The following KIF26B variants were observed in gnomAD, a reference collection of about 807,000 sequenced individuals.
KIF26B encodes the protein kinesin family member 26B, also known as kinesin-like protein KIF26B.
In KIF26B, 63 loss-of-function variants were observed where a neutral mutation model predicts 151.2. The ratio of observed to expected loss-of-function variants is 0.42; its 90% CI spans 0.34 to 0.51. The LOEUF (loss-of-function observed/expected upper bound fraction) is 0.51, where lower values mean the gene tolerates loss of function less well. Among genes scored for constraint, KIF26B ranks in the 20% least tolerant of loss-of-function variants. KIF26B has a pLI of 0.07. For missense variants in KIF26B, 2,813 were observed against 2,913.6 expected (o/e 0.97, Z 0.79); for synonymous variants, 1,357 against 1,262.1 (o/e 1.08, Z -1.59).
intron 2 of KIF26B, among the ~76,000 whole-genome samples, chr1:245,355,220 C>T (rs377127530): frequency 3.9e-5 from 6 of 152,214 alleles, no homozygotes; most frequent in African/African-American, 1.2e-4. Context: ...CCACTGCGCC[C>T]GGCCAGTGAT....
chr1:245,636,750 A>G (rs990046036), intron 9 of KIF26B, among the ~76,000 whole-genome samples: 2 of 151,962 alleles, frequency 1.3e-5, no homozygotes, highest in African/African-American at 4.8e-5. Context: ...AACATGGGAT[A>G]TTTGTCTTTC....
At chr1:245,494,476 C>T (rs1660471324) in intron 4 of KIF26B, among the ~76,000 whole-genome samples, 1 of 152,162 alleles carries the variant, frequency 6.6e-6, no homozygotes, top group Non-Finnish European at 1.5e-5. Flanking sequence ...ATTGGTTTAG[C>T]TTGATCACTC....
intron 2 of KIF26B, among the ~76,000 whole-genome samples, chr1:245,329,160 T>C (rs1672052405): frequency 6.6e-6 from 1 of 152,182 alleles, no homozygotes; most frequent in African/African-American, 2.4e-5. Context: ...GGGGACAGGA[T>C]AGGAGGTGGA....
rs868090020 is a variant in KIF26B at position 245,687,538 on chromosome 1, G to C, written c.4555G>C (p.Gly1519Arg). ...GGATGGGTGTGAGATGGCCCTGCCC[G>C]GTTTGGCCACCCAGAGCCCCGTGCA... ...VVDGCEMALP[G>R]LATQSPVHPN... is the part of the protein sequence containing the mutation. Residue 1519 changes from glycine (G) to arginine (R), a missense_variant, in exon 12 of 15, where the codon GGT becomes CGT. Physicochemically the swap from Gly to Arg is moderately radical, Grantham distance 125. This residue lies in a region of KIF26B where 2,060 missense variants were observed against 2,088.6 expected (regional missense o/e 0.99). Coordinates refer to ENST00000407071, the MANE Select transcript of KIF26B (RefSeq NM_018012.4). This position sits in a 1 kb window ranked among gnomAD's most constrained non-coding sequence, Gnocchi z 4.9. The C allele has an allele frequency of 4.5e-6, 7 of 1,568,930 alleles. No homozygotes were observed. The East Asian group carries it at 1.7e-4, about 37-fold the overall frequency.
chr1:245,298,933 G>A (rs186396743), intron 2 of KIF26B, among the ~76,000 whole-genome samples: 6 of 152,224 alleles, frequency 3.9e-5, no homozygotes, highest in Non-Finnish European at 8.8e-5. Context: ...ACAGTTGATT[G>A]GGTAAGGAGA....
Position 245,156,514 on chromosome 1 carries a change from C to T in KIF26B, c.296C>T (p.Ser99Phe), listed in dbSNP as rs1463060688. 1 of 1,531,786 alleles carries T rather than the reference C, an allele frequency of 6.5e-7. No individual in the cohort carries two copies. Among genetic ancestry groups the T allele is most frequent in the South Asian group, 1.2e-5 (1 of 83,946 alleles). The allele number at this position is 1,531,786 out of a possible 1,614,324, so 94.9% of individuals were successfully genotyped here. A position where few individuals can be genotyped will look rare whatever the true frequency, so the allele number is the denominator to read the frequency against. Residue 99 changes from serine (S) to phenylalanine (F), a missense_variant, in exon 2 of 15, where the codon TCC (serine) becomes TTC (phenylalanine). Ser to Phe is a radical substitution (Grantham distance 155). Around this residue, in one of 3 missense-constraint regions of KIF26B, gnomAD observed 676 missense variants for 688.1 expected, o/e 0.98. Transcript: ENST00000407071. ...SPGIGTSSPGSLGGSPGFGTG... is the reference protein window; with the variant it reads ...SPGIGTSSPGFLGGSPGFGTG... ...GGCATCGGCACTAGTTCGCCGGGCT[C>T]CTTGGGCGGCTCTCCGGGCTTCGGC...
chr1:245,236,580 A>G, intron 2 of KIF26B, among the ~76,000 whole-genome samples: 1 of 152,216 alleles, frequency 6.6e-6, no homozygotes, highest in East Asian at 1.9e-4. Flanking sequence ...TATGAATAAA[A>G]TTTGTTTTAT....
rs146157126 is a variant in KIF26B, at chr1:245,347,069, C to G, written c.466-19765C>G. ...GTCCTCTGTACCTGTCTGTGCCCAG[C>G]TGAGCCTGGGTGGAACAGAACACAG... On this transcript the variant is annotated intron_variant, in intron 2 of 14. Coordinates refer to ENST00000407071, the MANE Select transcript of KIF26B (RefSeq NM_018012.4). 1.5e-3 allele frequency among the ~76,000 whole-genome samples: 227 copies of G among 152,320 alleles called. 5 individuals are homozygous for G. In the East Asian group the frequency reaches 0.029, roughly 20 times the overall value.
intron 2 of KIF26B, among the ~76,000 whole-genome samples, chr1:245,253,800 CTTTTTTTTTTTTTTTT>C (rs5782330): frequency 2.8e-5 from 2 of 72,148 alleles, no homozygotes; most frequent in Non-Finnish European, 5.0e-5. Flanking sequence ...TGAAGTCCTG[CTTTTTTTTTTTTTTTT>C]TTTTTTTTTT....
rs978579468 is a variant in KIF26B, at chr1:245,235,934, T to A, written c.465+79251T>A. On this transcript the variant is annotated intron_variant, in intron 2 of 14. Coordinates refer to ENST00000407071, the MANE Select transcript of KIF26B (RefSeq NM_018012.4). ...CTTGTACACACTGCATCACTTATTT[T>A]TTTTTTTTTTTTTGAGACAGAGTCT... is the stretch of plus-strand genomic sequence containing the variant. Among the ~76,000 whole-genome samples the A allele has an allele frequency of 8.0e-5, 12 of 150,712 alleles. No individual in the cohort carries two copies. In the South Asian group the frequency reaches 1.9e-3, roughly 24 times the overall value.
chr1:245,202,444 C>T (rs2103538596), intron 2 of KIF26B, among the ~76,000 whole-genome samples: 1 of 152,258 alleles, frequency 6.6e-6, no homozygotes, highest in African/African-American at 2.4e-5. Flanking sequence ...TTTTTCTGAA[C>T]CTCAGTTTCT....
chr1:245,661,813 C>T (rs1207353153), intron 10 of KIF26B, among the ~76,000 whole-genome samples: 4 of 144,762 alleles, frequency 2.8e-5, no homozygotes, highest in Non-Finnish European at 4.5e-5. Context: ...TATATATACA[C>T]CCAATGATAT....
intron 2 of KIF26B, among the ~76,000 whole-genome samples, chr1:245,198,042 C>A (rs1319741963): frequency 1.3e-5 from 2 of 152,216 alleles, no homozygotes; most frequent in East Asian, 1.9e-4. Flanking sequence ...GTCTCTTCCT[C>A]CCCTGCTCCC....
chr1:245,542,658 G>A (rs1661650885), intron 5 of KIF26B, among the ~76,000 whole-genome samples: 2 of 152,276 alleles, frequency 1.3e-5, no homozygotes, highest in South Asian at 2.1e-4. Flanking sequence ...GGGTGTGATC[G>A]TGGATGGTTG....
At position 245,304,386 on chromosome 1, in the gene KIF26B, T is replaced by C. The variant is rs12086031; in HGVS notation, c.466-62448T>C. ...AGTGCTTCTGCTAATTGCCTTGCGA[T>C]TGGGGAATCAGGAGGATGTTTTTAT... On this transcript the variant is annotated intron_variant, in intron 2 of 14. Coordinates refer to ENST00000407071, the MANE Select transcript of KIF26B (RefSeq NM_018012.4). Among the ~76,000 whole-genome samples the C allele has an allele frequency of 7.9e-3, 1,208 of 152,282 alleles. 22 individuals carry two copies. The highest frequency in any genetic ancestry group is 0.028 in the African/African-American group (1,166 of 41,556).
At chr1:245,249,276 T>G (rs796713434) in intron 2 of KIF26B, among the ~76,000 whole-genome samples, 68 of 152,010 alleles carry the variant, frequency 4.5e-4, no homozygotes, top group African/African-American at 1.6e-3. Context: ...TTTTGTATAT[T>G]TTTTAGAAGA....
At chr1:245,411,836 A>G (rs1173643) in intron 3 of KIF26B, among the ~76,000 whole-genome samples, 79,359 of 151,948 alleles carry the variant, frequency 0.52, 21,010 homozygotes, top group South Asian at 0.64. Flanking sequence ...CAAAGACTGA[A>G]TAAGGCTTAT....
At chr1:245,190,634 G>GTTT (rs149338802) in intron 2 of KIF26B, among the ~76,000 whole-genome samples, 23 of 106,858 alleles carry the variant, frequency 2.2e-4, no homozygotes, top group East Asian at 2.0e-3. Flanking sequence ...TGAATGTTTT[G>GTTT]TTTTGTTTTT....
intron 3 of KIF26B, among the ~76,000 whole-genome samples, chr1:245,378,842 G>A (rs1453042301): frequency 6.6e-6 from 1 of 152,142 alleles, no homozygotes; most frequent in Non-Finnish European, 1.5e-5. Context: ...CCTCAAGCGG[G>A]CTTCTTAACT....
Sources: gnomAD v4.1 joint callset for allele counts (sites outside exome capture counted in the v4.1 genomes callset) on GRCh38, gnomAD v4.1.1 for gene constraint, gnomAD v4.1.1 regional missense constraint, Gnocchi (gnomAD v3.1) non-coding constraint, MANE v1.5 for transcripts, NCBI Gene and HGNC (gene_info 2026-07-23, HGNC 2026-07-21) for gene names.